Variants in WDR70 observed in about 807,000 individuals in gnomAD.
The protein encoded by WDR70 is WD repeat domain 70, also known as WD repeat-containing protein 70.
WDR70 carries 53 observed loss-of-function variants against 88.6 expected under a neutral mutation model. That is an observed-to-expected ratio of 0.60 (90% CI 0.48 to 0.75). WDR70 has a LOEUF of 0.75. WDR70 is among the 30% of genes least tolerant of loss of function. The probability of loss-of-function intolerance (pLI) is 0.00; values close to 1 mark genes in which losing one functional copy is unlikely to be tolerated. For missense variants in WDR70, 610 were observed against 823.2 expected, an observed-to-expected ratio of 0.74 and a Z score of 3.17; for synonymous variants, 280 against 270.0, an observed-to-expected ratio of 1.04 and a Z score of -0.36.
intron 9 of WDR70, among the ~76,000 whole-genome samples, chr5:37,603,288 T>C (rs1385855444): frequency 2.6e-5 from 4 of 152,184 alleles, no homozygotes; most frequent in African/African-American, 9.7e-5. Context: ...CATCAACTAC[T>C]GGAACATGAT....
At chr5:37,383,945 TATCA>T (rs1332163634) in intron 3 of WDR70, among the ~76,000 whole-genome samples, 1 of 152,200 alleles carries the variant, frequency 6.6e-6, no homozygotes, top group African/African-American at 2.4e-5. Context: ...ACCATGTACC[TATCA>T]ATCAGATTTA....
At chr5:37,680,250 T>C (rs564377645) in intron 10 of WDR70, among the ~76,000 whole-genome samples, 75 of 152,288 alleles carry the variant, frequency 4.9e-4, no homozygotes, top group African/African-American at 1.8e-3. Flanking sequence ...AATGGCATTG[T>C]TTTTTTCTTG....
intron 9 of WDR70, among the ~76,000 whole-genome samples, chr5:37,555,299 T>G (rs1742265499): frequency 6.6e-6 from 1 of 152,226 alleles, no homozygotes; most frequent in Non-Finnish European, 1.5e-5. Context: ...AAGCATTAAA[T>G]GAATTCTATC....
chr5:37,437,086 A>G (rs1750490339), intron 5 of WDR70, among the ~76,000 whole-genome samples: 1 of 152,108 alleles, frequency 6.6e-6, no homozygotes, highest in Non-Finnish European at 1.5e-5. Context: ...GATAGCATTC[A>G]TTATACTGAA....
chr5:37,441,831 C>T (rs1359411553), intron 6 of WDR70, among the ~76,000 whole-genome samples: 2 of 151,762 alleles, frequency 1.3e-5, no homozygotes, highest in African/African-American at 4.8e-5. Context: ...AAAAACAAAA[C>T]AAAAAAACCT....
chr5:37,542,091 G>C (rs1005920879), intron 9 of WDR70, among the ~76,000 whole-genome samples: 2 of 152,036 alleles, frequency 1.3e-5, no homozygotes, highest in African/African-American at 4.8e-5. Flanking sequence ...GAAGAATATA[G>C]AGAAATACTA....
chr5:37,428,451 C>G (rs771173420), intron 5 of WDR70, among the ~76,000 whole-genome samples: 1 of 152,136 alleles, frequency 6.6e-6, no homozygotes, highest in Non-Finnish European at 1.5e-5. Context: ...ACCCCTAATC[C>G]CAGGCAAATC....
intron 13 of WDR70, among the ~76,000 whole-genome samples, chr5:37,715,175 T>C (rs1450264760): frequency 6.6e-6 from 1 of 152,160 alleles, no homozygotes; most frequent in Non-Finnish European, 1.5e-5. Context: ...CAAATGTGTA[T>C]GACAGGTGCA....
rs115511982 is a variant in WDR70 at position 37,398,713 on chromosome 5, C to T, written c.492+2143C>T. Among the ~76,000 whole-genome samples, 614 of 152,160 alleles carry T rather than the reference C, an allele frequency of 4.0e-3. 3 individuals are homozygous for T. The highest frequency in any genetic ancestry group is 0.013 in the African/African-American group (538 of 41,530). On this transcript the variant is annotated intron_variant, in intron 5 of 17. Coordinates refer to ENST00000265107, the MANE Select transcript of WDR70 (RefSeq NM_018034.4). ...GTGTGCATATGTAAAATTAAGAAAA[C>T]AAACAAGAATAAAATAAGAATAAAT...
chr5:37,590,523 A>C (rs1175664469), intron 9 of WDR70, among the ~76,000 whole-genome samples: 1 of 152,142 alleles, frequency 6.6e-6, no homozygotes, highest in Non-Finnish European at 1.5e-5. Flanking sequence ...TTTTTGAAAA[A>C]AGTCTTTGCA....
intron 10 of WDR70, among the ~76,000 whole-genome samples, chr5:37,644,101 G>A (rs1005674937): frequency 3.9e-5 from 6 of 152,002 alleles, no homozygotes; most frequent in Non-Finnish European, 7.4e-5. Context: ...CCCCTAATCA[G>A]TATGATACTA....
intron 5 of WDR70, among the ~76,000 whole-genome samples, chr5:37,421,318 G>A (rs948527133): frequency 3.9e-5 from 6 of 152,142 alleles, no homozygotes; most frequent in African/African-American, 7.2e-5. Context: ...AACAGTCTTT[G>A]GTTCTGACTG....
At chr5:37,707,938 AAAAAAAAAAAATATATATATATATATAT>A (rs1463981635) in intron 13 of WDR70, among the ~76,000 whole-genome samples, 10 of 36,272 alleles carry the variant, frequency 2.8e-4, no homozygotes, top group Admixed American at 1.3e-3. Flanking sequence ...AAAAAAAAAA[AAAAAAAAAAAATATATATATATATATAT>A]ATATATATAT....
chr5:37,391,182 C>T (rs372711357), intron 3 of WDR70, among the ~76,000 whole-genome samples: 67 of 152,212 alleles, frequency 4.4e-4, no homozygotes, highest in African/African-American at 1.6e-3. Flanking sequence ...TTTTTATTAT[C>T]TGCAGTTAAT....
intron 9 of WDR70, among the ~76,000 whole-genome samples, chr5:37,551,294 A>T (rs1268841960): frequency 6.8e-6 from 1 of 147,682 alleles, no homozygotes; most frequent in Non-Finnish European, 1.5e-5. Context: ...AACAGGAGTA[A>T]AACTTTGTTC....
At chr5:37,488,736 A>G (rs948282158) in intron 8 of WDR70, among the ~76,000 whole-genome samples, 4 of 152,052 alleles carry the variant, frequency 2.6e-5, no homozygotes, top group African/African-American at 7.2e-5. Context: ...GTTCTCTTGT[A>G]TATCACTGAG....
At chr5:37,681,570 A>G (rs568003731) in intron 10 of WDR70, among the ~76,000 whole-genome samples, 1 of 152,274 alleles carries the variant, frequency 6.6e-6, no homozygotes, top group South Asian at 2.1e-4. Context: ...TGGGTTTGTC[A>G]TAGATGGCTC....
Position 37,421,197 on chromosome 5 carries a change from T to C in WDR70, c.493-16725T>C, listed in dbSNP as rs1252917600. On this transcript the variant is annotated intron_variant, in intron 5 of 17. Transcript: ENST00000265107. Reference sequence around the variant, plus strand: ...TTTAGGGAAGCTACTCCAGAATCCATGTGCTTAACCATTATGCCCTACTAC... The same window carrying C: ...TTTAGGGAAGCTACTCCAGAATCCACGTGCTTAACCATTATGCCCTACTAC... Among the ~76,000 whole-genome samples, 4 of 152,178 alleles carry C rather than the reference T, an allele frequency of 2.6e-5. No individual in the cohort carries two copies. In the East Asian group the frequency reaches 7.7e-4, roughly 29 times the overall value.
At chr5:37,573,427 C>T (rs58870605) in intron 9 of WDR70, among the ~76,000 whole-genome samples, 2,669 of 152,052 alleles carry the variant, frequency 0.018, 70 homozygotes, top group African/African-American at 0.061. Context: ...ATGTGCACAA[C>T]GTGCAGGATT....
Sources: gnomAD v4.1 joint callset for allele counts (sites outside exome capture counted in the v4.1 genomes callset) on GRCh38, gnomAD v4.1.1 for gene constraint, MANE v1.5 for transcripts, NCBI Gene and HGNC (gene_info 2026-07-23, HGNC 2026-07-21) for gene names.